The following CYFIP1 variants were observed in gnomAD, a reference collection of about 807,000 sequenced individuals.
CYFIP1 encodes the protein cytoplasmic FMR1 interacting protein 1, also known as cytoplasmic FMR1-interacting protein 1.
CYFIP1 carries 58 observed loss-of-function variants against 163.5 expected under a neutral mutation model. The ratio of observed to expected loss-of-function variants is 0.35; its 90% CI spans 0.29 to 0.44. CYFIP1 has a LOEUF of 0.44. CYFIP1 is among the 20% of genes least tolerant of loss of function. The probability of loss-of-function intolerance (pLI) is 1.00; values close to 1 mark genes in which losing one functional copy is unlikely to be tolerated. For synonymous variants in CYFIP1, 663 were observed against 660.7 expected (o/e 1.00, Z -0.05); for missense variants, 1,338 against 1,653.8 (o/e 0.81, Z 3.31).
intron 3 of CYFIP1, 66 bp downstream of exon 3, chr15:22,946,937 G>C (rs2062082854): frequency 7.3e-7 from 1 of 1,367,398 alleles, no homozygotes; most frequent in Middle Eastern, 1.8e-4. Context: ...ATACCAAAAA[G>C]TATACATCTG....
intron 23 of CYFIP1, among the ~76,000 whole-genome samples, chr15:22,890,169 G>A (rs1308988930): frequency 3.3e-5 from 5 of 151,698 alleles, no homozygotes; most frequent in Non-Finnish European, 7.4e-5. Context: ...AAAATTGTCC[G>A]GGCATGGTGG....
chr15:22,927,236 T>C (rs1228256292), intron 12 of CYFIP1, among the ~76,000 whole-genome samples: 1 of 151,854 alleles, frequency 6.6e-6, no homozygotes, highest in Non-Finnish European at 1.5e-5. Flanking sequence ...TCCTAGCACT[T>C]TGGGAGACTG....
rs772429195 is a variant in CYFIP1, at chr15:22,944,565, T to G, written c.380A>C (p.Tyr127Ser). 4 of 1,609,632 alleles carry G rather than the reference T, an allele frequency of 2.5e-6. No homozygotes were observed. The African/African-American group carries it at 5.3e-5, about 22-fold the overall frequency. The stretch of plus-strand genomic sequence containing the variant: ...GATTATTTGCCATTTTACCTGGAAG[T>G]ACATGAAATTCATCAGTTTTGTGAC... ...PEVTKLMNFM[Y>S]FQRNAIERFC... is the part of the protein sequence containing the mutation. The change falls in exon 5 of 31, where the codon TAC becomes TCC. Residue 127 changes from tyrosine to serine, a missense_variant. Transcript: ENST00000617928.
At chr15:22,938,635 G>A (rs796583053) in intron 8 of CYFIP1, among the ~76,000 whole-genome samples, 15 of 152,024 alleles carry the variant, frequency 9.9e-5, no homozygotes, top group African/African-American at 3.6e-4. Context: ...AAGGGCAGTG[G>A]CTCAAGCTTG....
chr15:22,884,529 C>CT (rs1252858592), intron 23 of CYFIP1, among the ~76,000 whole-genome samples: 2 of 152,222 alleles, frequency 1.3e-5, no homozygotes, highest in African/African-American at 4.8e-5. Context: ...TCTTGGGCAG[C>CT]TCCACCCTGT....
At chr15:22,980,665 G>T (rs748572061), upstream of CYFIP1, among the ~76,000 whole-genome samples, 1 of 152,084 alleles carries the variant, frequency 6.6e-6, no homozygotes, top group Non-Finnish European at 1.5e-5. Flanking sequence ...GGAGCGCGAA[G>T]GAACGGGGTC....
chr15:22,910,448 C>T, intron 20 of CYFIP1, 72 bp downstream of exon 20: 2 of 1,306,306 alleles, frequency 1.5e-6, no homozygotes, highest in South Asian at 2.4e-5. Flanking sequence ...GCGTGAGCCA[C>T]CGCACCCAGC....
chr15:22,918,788 C>T lies in CYFIP1; in HGVS notation c.1430G>A (p.Arg477Gln), dbSNP rs771799597. 14 of 1,613,396 alleles carry T rather than the reference C, an allele frequency of 8.7e-6. No homozygotes were observed. Among genetic ancestry groups the T allele is most frequent in the East Asian group, 4.5e-5 (2 of 44,842 alleles). ...RMESVFNHAI[R>Q]HTVYAALQDF... ...CTGCAGTGCGGCATAGACGGTGTGC[C>T]GGATGGCGTGGTTGAACACGCTCTC... The change falls in exon 14 of 31, where the codon CGG (arginine) becomes CAG (glutamine). Residue 477 changes from arginine (R) to glutamine (Q), a missense_variant. Physicochemically the swap from Arg to Gln is conservative, Grantham distance 43. This residue lies in a region of CYFIP1 where 824 missense variants were observed against 995.7 expected (regional missense o/e 0.83). Transcript: ENST00000617928.
chr15:22,897,637 C>T (rs1196001542), intron 22 of CYFIP1, among the ~76,000 whole-genome samples: 2 of 152,106 alleles, frequency 1.3e-5, no homozygotes, highest in Non-Finnish European at 2.9e-5. Context: ...TCGCCTGCCA[C>T]CACGCCTGGC....
At position 22,868,624 on chromosome 15, in the gene CYFIP1, G is replaced by GTT. The variant is rs1491019226; in HGVS notation, c.*1402_*1403dup. 1 of 152,120 alleles carries GTT rather than the reference G, an allele frequency of 6.6e-6. No homozygotes were observed. The highest frequency in any genetic ancestry group is 1.9e-4 in the East Asian group (1 of 5,180). 9.4% of individuals were successfully genotyped at this position (152,120 alleles called of 1,614,324 possible). ...TTTTATAAAGAAAGAATAATTGTTT[G>GTT]TTAGGCTTCATGTCACTTGAGTGAG... On this transcript the variant is annotated 3_prime_UTR_variant, in exon 31 of 31. Coordinates refer to ENST00000617928, the MANE Select transcript of CYFIP1 (RefSeq NM_014608.6).
intron 13 of CYFIP1, among the ~76,000 whole-genome samples, chr15:22,925,418 G>C: frequency 6.6e-6 from 1 of 152,172 alleles, no homozygotes; most frequent in Non-Finnish European, 1.5e-5. Flanking sequence ...AGCTACAAAG[G>C]TGGCAGCGTG....
At chr15:22,970,069 G>T (rs927730035) in intron 1 of CYFIP1, among the ~76,000 whole-genome samples, 3 of 152,130 alleles carry the variant, frequency 2.0e-5, no homozygotes, top group Non-Finnish European at 2.9e-5. Flanking sequence ...AAAGCAACAT[G>T]TAAAAATCAG....
At chr15:22,931,010 G>A (rs1252799606) in intron 11 of CYFIP1, among the ~76,000 whole-genome samples, 1 of 152,048 alleles carries the variant, frequency 6.6e-6, no homozygotes, top group African/African-American at 2.4e-5. Context: ...GCTTGCCAGG[G>A]GTCTGTGTTA....
At chr15:22,909,412 A>G in intron 20 of CYFIP1, 99 bp from the exon 21 acceptor site, 1 of 1,491,460 alleles carries the variant, frequency 6.7e-7, no homozygotes, top group Admixed American at 1.8e-5. Flanking sequence ...TGGTCTGTCA[A>G]TAACGACACC....
chr15:22,931,692 A>G (rs1202637224), intron 11 of CYFIP1, among the ~76,000 whole-genome samples: 1 of 145,454 alleles, frequency 6.9e-6, no homozygotes, highest in African/African-American at 2.6e-5. Flanking sequence ...TTCTGAAAAA[A>G]AAAAAAAAAA....
At chr15:22,973,306 C>T (rs1361880452) in intron 1 of CYFIP1, among the ~76,000 whole-genome samples, 1 of 101,278 alleles carries the variant, frequency 9.9e-6, no homozygotes, top group Non-Finnish European at 1.8e-5. Flanking sequence ...AGAACGAGAC[C>T]TTGTCAAAAA....
intron 17 of CYFIP1, among the ~76,000 whole-genome samples, chr15:22,912,795 G>A (rs779782466): frequency 2.0e-5 from 3 of 152,114 alleles, no homozygotes; most frequent in Admixed American, 6.5e-5. Flanking sequence ...GGTGGCGCAC[G>A]CCTGAGTCCC....
intron 22 of CYFIP1, among the ~76,000 whole-genome samples, chr15:22,898,936 A>T (rs1481633014): frequency 6.6e-6 from 1 of 151,678 alleles, no homozygotes; most frequent in African/African-American, 2.4e-5. Context: ...CGGGAGGCAG[A>T]GGTTGCAGTG....
At chr15:22,955,366 C>T (rs2062409136) in intron 1 of CYFIP1, among the ~76,000 whole-genome samples, 1 of 152,228 alleles carries the variant, frequency 6.6e-6, no homozygotes, top group South Asian at 2.1e-4. Context: ...CGGGTGCCCA[C>T]CCAGGGGGTC....
Sources: allele counts gnomAD v4.1 joint callset (sites outside exome capture counted in the v4.1 genomes callset), GRCh38; gene constraint gnomAD v4.1.1; regional missense constraint gnomAD v4.1.1; transcripts MANE v1.5; gene names NCBI Gene and HGNC (gene_info 2026-07-23, HGNC 2026-07-21).